ZWILCH: variants seen among roughly 807,000 people sequenced by gnomAD.
ZWILCH encodes the protein protein zwilch homolog.
A neutral mutation model predicts 79.9 loss-of-function variants in ZWILCH; 74 were observed. The ratio of observed to expected loss-of-function variants is 0.93; its 90% CI spans 0.77 to 1.12. ZWILCH has a LOEUF of 1.12. Ranked by LOEUF, ZWILCH falls within the 50% of genes most tolerant of loss-of-function variation. The pLI is 0.00. For missense variants in ZWILCH, 694 were observed against 687.5 expected, an observed-to-expected ratio of 1.01 and a Z score of -0.11; for synonymous variants, 241 against 228.2, an observed-to-expected ratio of 1.06 and a Z score of -0.51.
intron 4 of ZWILCH, among the ~76,000 whole-genome samples, chr15:66,516,237 G>A (rs563815709): frequency 6.6e-6 from 1 of 152,270 alleles, no homozygotes; most frequent in East Asian, 1.9e-4. Flanking sequence ...CTCACCCCAG[G>A]TGCCAGTAGT....
chr15:66,509,822 CATATATATATATATATATATATAT>C (rs201725734), intron 2 of ZWILCH, among the ~76,000 whole-genome samples: 78 of 88,972 alleles, frequency 8.8e-4, no homozygotes, highest in African/African-American at 1.9e-3. Flanking sequence ...TGTGTGGCTA[CATATATATATATATATATATATAT>C]ATATATATAT....
chr15:66,526,820 A>G (rs959255147), intron 8 of ZWILCH, among the ~76,000 whole-genome samples: 8 of 152,162 alleles, frequency 5.3e-5, no homozygotes, highest in African/African-American at 1.7e-4. Flanking sequence ...ACATATTTAT[A>G]TTATTTTAAT....
chr15:66,507,880 C>T (rs1338633679), intron 1 of ZWILCH, among the ~76,000 whole-genome samples: 1 of 147,374 alleles, frequency 6.8e-6, no homozygotes, highest in African/African-American at 2.5e-5. Flanking sequence ...TTGCAGTGAG[C>T]GGAGATCACG....
At chr15:66,522,133 G>A (rs1192834010) in intron 7 of ZWILCH, among the ~76,000 whole-genome samples, 1 of 151,946 alleles carries the variant, frequency 6.6e-6, no homozygotes, top group Non-Finnish European at 1.5e-5. Flanking sequence ...GGGAGGCAGA[G>A]GTTTTAGTGA....
At chr15:66,533,924 T>A (rs1894931644) in intron 14 of ZWILCH, among the ~76,000 whole-genome samples, 1 of 152,046 alleles carries the variant, frequency 6.6e-6, no homozygotes. Context: ...CTGGGCAACA[T>A]AGGGAGACTC....
chr15:66,512,607 A>T (rs1595904135), intron 2 of ZWILCH, among the ~76,000 whole-genome samples: 1 of 151,586 alleles, frequency 6.6e-6, no homozygotes, highest in Non-Finnish European at 1.5e-5. Context: ...AACCAGGCTA[A>T]TAACGGTAAT....
intron 17 of ZWILCH, among the ~76,000 whole-genome samples, chr15:66,544,000 C>T (rs1895272658): frequency 6.6e-6 from 1 of 152,140 alleles, no homozygotes; most frequent in South Asian, 2.1e-4. Context: ...TGGCTCACGC[C>T]TGTAATCCCA....
chr15:66,509,131 A>AGTG (rs1893933990), intron 2 of ZWILCH, among the ~76,000 whole-genome samples: 1 of 152,034 alleles, frequency 6.6e-6, no homozygotes, highest in Non-Finnish European at 1.5e-5. Context: ...TAGTAGAGAC[A>AGTG]GGGTTTCACC....
chr15:66,543,776 C>T (rs1015708073), intron 17 of ZWILCH, among the ~76,000 whole-genome samples: 2 of 151,130 alleles, frequency 1.3e-5, no homozygotes, highest in Non-Finnish European at 3.0e-5. Flanking sequence ...AAAAAAAGTT[C>T]TGTTGCTCAT....
chr15:66,537,810 C>T (rs571707911), intron 16 of ZWILCH, among the ~76,000 whole-genome samples: 15 of 152,320 alleles, frequency 9.8e-5, no homozygotes, highest in African/African-American at 2.9e-4. Context: ...CCCAGAGCTT[C>T]GTCACCTCTG....
intron 17 of ZWILCH, among the ~76,000 whole-genome samples, chr15:66,544,724 TTGTGTGTGTGTGTG>T (rs1555426547): frequency 7.8e-6 from 1 of 128,490 alleles, no homozygotes; most frequent in Admixed American, 8.5e-5. Flanking sequence ...TTTTTGGTTT[TTGTGTGTGTGTGTG>T]TGTGTGTGTG....
intron 14 of ZWILCH, among the ~76,000 whole-genome samples, chr15:66,533,726 A>C (rs79007524): frequency 6.8e-6 from 1 of 146,758 alleles, no homozygotes; most frequent in Admixed American, 6.8e-5. Flanking sequence ...ACACACACAC[A>C]CGCGCACACA....
chr15:66,509,838 T>TTTC (rs1893977753), intron 2 of ZWILCH, among the ~76,000 whole-genome samples: 1 of 65,736 alleles, frequency 1.5e-5, no homozygotes, highest in Non-Finnish European at 3.1e-5. Flanking sequence ...TATATATATA[T>TTTC]ATATATATAT....
intron 17 of ZWILCH, among the ~76,000 whole-genome samples, chr15:66,542,647 A>G (rs1194256297): frequency 6.6e-6 from 1 of 152,218 alleles, no homozygotes; most frequent in East Asian, 1.9e-4. Context: ...AAAAATATTA[A>G]TAGCTCAATA....
Position 66,540,714 on chromosome 15 carries a change from C to G in ZWILCH, c.1687+504C>G, listed in dbSNP as rs558109380. Among the ~76,000 whole-genome samples, 479 of 150,596 alleles carry G rather than the reference C, an allele frequency of 3.2e-3. 2 individuals are homozygous for G. The highest frequency in any genetic ancestry group is 0.011 in the African/African-American group (464 of 41,220). Reference sequence around the variant, plus strand: ...CACCATCTCAGCTCACTGCAGCCTCCGCCTCCTGGGTTCAAGTGATTCTCC... The same window carrying G: ...CACCATCTCAGCTCACTGCAGCCTCGGCCTCCTGGGTTCAAGTGATTCTCC... On this transcript the variant is annotated intron_variant, in intron 17 of 18. Coordinates refer to ENST00000307897, the MANE Select transcript of ZWILCH (RefSeq NM_017975.5).
At chr15:66,546,745 T>C in intron 18 of ZWILCH, 40 bp downstream of exon 18, 5 of 1,139,966 alleles carry the variant, frequency 4.4e-6, no homozygotes, top group Non-Finnish European at 6.3e-6. Flanking sequence ...TCAAATACTT[T>C]GTAATAAGTA....
At chr15:66,512,219 C>T (rs546224286) in intron 2 of ZWILCH, among the ~76,000 whole-genome samples, 3 of 152,212 alleles carry the variant, frequency 2.0e-5, no homozygotes, top group East Asian at 3.9e-4. Flanking sequence ...TTTTATTAGG[C>T]AAAATCCTAT....
intron 12 of ZWILCH, among the ~76,000 whole-genome samples, chr15:66,531,244 AC>A (rs904873698): frequency 1.2e-4 from 19 of 152,182 alleles, no homozygotes; most frequent in African/African-American, 4.6e-4. Context: ...AGCTTGTTTA[AC>A]TGCAGCAGCA....
chr15:66,523,638 T>TA (rs767538679), intron 7 of ZWILCH, 39 bp from the exon 8 acceptor site: 1 of 1,349,036 alleles, frequency 7.4e-7, no homozygotes, highest in South Asian at 1.2e-5. Flanking sequence ...GAAGGTAGGA[T>TA]TAGCACTAGA....
Sources: gnomAD v4.1 joint callset for allele counts (sites outside exome capture counted in the v4.1 genomes callset) on GRCh38, gnomAD v4.1.1 for gene constraint, MANE v1.5 for transcripts, NCBI Gene and HGNC (gene_info 2026-07-23, HGNC 2026-07-21) for gene names.